KIF1A: variants seen among roughly 807,000 people sequenced by gnomAD.
The protein encoded by KIF1A is kinesin-like protein KIF1A.
A neutral mutation model predicts 227.3 loss-of-function variants in KIF1A; 46 were observed. The observed-to-expected ratio is 0.20, with a 90% CI of 0.16 to 0.26. The LOEUF is 0.26. KIF1A is among the 10% of genes least tolerant of loss of function. The probability of loss-of-function intolerance (pLI) is 1.00; values close to 1 mark genes in which losing one functional copy is unlikely to be tolerated. For missense variants in KIF1A, 1,683 were observed against 2,485.9 expected (o/e 0.68, Z 6.87); for synonymous variants, 1,022 against 1,012.8 (o/e 1.01, Z -0.17).
intron 38 of KIF1A, chr2:240,734,831 T>G (rs2047140461): frequency 1.0e-6 from 1 of 977,236 alleles, no homozygotes; most frequent in Non-Finnish European, 1.4e-6. Flanking sequence ...GGAAGCGGCC[T>G]GTGGCCACAG....
At chr2:240,781,703 C>T in intron 10 of KIF1A, 1 of 947,846 alleles carries the variant, frequency 1.1e-6, no homozygotes, top group South Asian at 4.9e-5. Flanking sequence ...CACGCAGTGT[C>T]CTGTGCCGTT....
At position 240,788,258 on chromosome 2, in the gene KIF1A, C is replaced by T; in HGVS notation, c.184-28G>A. The T allele has an allele frequency of 6.2e-7, 1 of 1,610,216 alleles. No homozygotes were observed. On this transcript the variant is annotated intron_variant, in intron 3 of 48. Transcript: ENST00000498729. The surrounding 1 kb of genome is among the most constrained non-coding windows in gnomAD (Gnocchi z 6.6). ...GGAGGACGAGGAAGGAATGAAGTTG[C>T]AGGAGGCTGGGTGCATCCGAGGCTC...
chr2:240,755,516 AG>A (rs760679286), intron 27 of KIF1A, among the ~76,000 whole-genome samples: 8 of 152,176 alleles, frequency 5.3e-5, no homozygotes, highest in Non-Finnish European at 1.2e-4. Flanking sequence ...AAAATCAACG[AG>A]GGGCCTTCCC....
rs2051183450 is a variant in KIF1A at position 240,766,423 on chromosome 2, G to A, written c.1684+492C>T. ...AGACCACTGGGCAGGCAGGGGAAAC[G>A]GACAGATGGCCGCCCACAGCCAACA... On this transcript the variant is annotated intron_variant, in intron 19 of 48. Transcript: ENST00000498729. This position sits in a 1 kb window ranked among gnomAD's most constrained non-coding sequence, Gnocchi z 5.0. Among the ~76,000 whole-genome samples, 1 of 152,324 alleles carries A rather than the reference G, an allele frequency of 6.6e-6. No individual in the cohort carries two copies. Among genetic ancestry groups the A allele is most frequent in the Non-Finnish European group, 1.5e-5 (1 of 68,012 alleles).
At chr2:240,800,853 G>C (rs117204270) in intron 1 of KIF1A, among the ~76,000 whole-genome samples, 3 of 152,218 alleles carry the variant, frequency 2.0e-5, no homozygotes, top group Non-Finnish European at 2.9e-5. Flanking sequence ...TGAAAGCCCA[G>C]CAAGGTACGA....
At position 240,719,512 on chromosome 2, in the gene KIF1A, C is replaced by G. The variant is rs547772937; in HGVS notation, c.5021+262G>C. ...TCCCCACCTGGGCCTTGGCTCTGAC[C>G]CCACCCACTCCCCTGTGCTCTGTGC... On this transcript the variant is annotated intron_variant, in intron 46 of 48. Transcript: ENST00000498729. Among the ~76,000 whole-genome samples the G allele has an allele frequency of 3.3e-5, 5 of 152,350 alleles. No homozygotes were observed. In the East Asian group the frequency reaches 9.7e-4, roughly 29 times the overall value.
At chr2:240,719,990 A>C in intron 45 of KIF1A, 64 bp from the exon 46 acceptor site, 1 of 1,505,782 alleles carries the variant, frequency 6.6e-7, no homozygotes, top group Non-Finnish European at 8.9e-7. Context: ...GTCTTCCCCC[A>C]GGCTTCACCC....
intron 10 of KIF1A, 52 bp downstream of exon 10, chr2:240,782,538 A>ACAC: frequency 6.5e-7 from 1 of 1,542,664 alleles, no homozygotes; most frequent in Non-Finnish European, 8.8e-7. Context: ...TGCAGGGCAG[A>ACAC]CACCGCCACC....
chr2:240,784,915 G>T, intron 7 of KIF1A, 74 bp downstream of exon 7: 2 of 1,227,104 alleles, frequency 1.6e-6, no homozygotes, highest in Non-Finnish European at 1.2e-6. Context: ...TGCCCCCACT[G>T]GCCTGACCAC....
chr2:240,805,612 T>C (rs1192505513), intron 1 of KIF1A, among the ~76,000 whole-genome samples: 1 of 152,186 alleles, frequency 6.6e-6, no homozygotes, highest in African/African-American at 2.4e-5. Context: ...AATAAGAGCA[T>C]AGCATGAATA....
chr2:240,798,019 G>C, intron 1 of KIF1A: 2 of 380,058 alleles, frequency 5.3e-6, no homozygotes, highest in Non-Finnish European at 9.5e-6. Flanking sequence ...ACCCAGCTTC[G>C]CAAGCCTGAG....
chr2:240,804,201 G>C (rs2057202584), intron 1 of KIF1A, among the ~76,000 whole-genome samples: 1 of 152,234 alleles, frequency 6.6e-6, no homozygotes, highest in Non-Finnish European at 1.5e-5. Context: ...GGGAAGCAGA[G>C]GTTGCAGTGA....
At chr2:240,781,664 C>G in intron 10 of KIF1A, 1 of 716,514 alleles carries the variant, frequency 1.4e-6, no homozygotes, top group Non-Finnish European at 1.7e-6. Flanking sequence ...ACACAATTCC[C>G]CACGCAGGTC....
intron 2 of KIF1A, among the ~76,000 whole-genome samples, chr2:240,794,746 G>A (rs2056175597): frequency 6.6e-6 from 1 of 152,128 alleles, no homozygotes; most frequent in African/African-American, 2.4e-5. Context: ...CCATCACCAG[G>A]CCGTCCCCAG....
intron 11 of KIF1A, among the ~76,000 whole-genome samples, chr2:240,774,949 T>C (rs2052550182): frequency 6.6e-6 from 1 of 152,154 alleles, no homozygotes; most frequent in Non-Finnish European, 1.5e-5. Flanking sequence ...CCATAGGGAC[T>C]GAAGAGACGG....
rs2044369671 is a variant in KIF1A, at chr2:240,713,833, AG to A, written c.*3530del. 6.5e-6 allele frequency: 1 copy of A among 152,900 alleles called. No homozygotes were observed. The highest frequency in any genetic ancestry group is 2.4e-5 in the African/African-American group (1 of 41,476). 9.5% of individuals were successfully genotyped at this position (152,900 alleles called of 1,614,324 possible). A position where few individuals can be genotyped will look rare whatever the true frequency, so the allele number is the denominator to read the frequency against. ...GCCTCAAGTGCACGCACAGTACAGG[AG>A]CCTAGGGCTAACACTCGGGTGTAAG... is the stretch of plus-strand genomic sequence containing the variant. On this transcript the variant is annotated 3_prime_UTR_variant, in exon 49 of 49. Transcript: ENST00000498729.
Position 240,774,276 on chromosome 2 carries a change from C to T in KIF1A, c.959-15G>A. On this transcript the variant is annotated splice_polypyrimidine_tract_variant and intron_variant, in intron 11 of 48. Transcript: ENST00000498729. ...TGAGTTACCGCCTGTGGGAAGAAGA[C>T]CAGGTTGTGCCCAGAGGGGGATCTA... The T allele has an allele frequency of 1.3e-6, 2 of 1,588,336 alleles. No homozygotes were observed. Among genetic ancestry groups the T allele is most frequent in the Non-Finnish European group, 1.7e-6 (2 of 1,157,672 alleles).
At chr2:240,750,610 G>A in intron 27 of KIF1A, 63 bp from the exon 28 acceptor site, 5 of 1,198,684 alleles carry the variant, frequency 4.2e-6, no homozygotes, top group Non-Finnish European at 6.1e-6. Context: ...AACGGCAGCG[G>A]TGGCAGCATG....
At chr2:240,764,562 G>A (rs777618794) in intron 20 of KIF1A, among the ~76,000 whole-genome samples, 3 of 152,168 alleles carry the variant, frequency 2.0e-5, no homozygotes, top group East Asian at 1.9e-4. Flanking sequence ...GGCTAGAAGT[G>A]GGGCCACTGG....
Sources: allele counts gnomAD v4.1 joint callset (sites outside exome capture counted in the v4.1 genomes callset), GRCh38; gene constraint gnomAD v4.1.1; non-coding constraint Gnocchi (gnomAD v3.1); transcripts MANE v1.5; gene names NCBI Gene and HGNC (gene_info 2026-07-23, HGNC 2026-07-21).